The following AMMECR1 variants were observed in gnomAD, a reference collection of about 807,000 sequenced individuals.
The protein encoded by AMMECR1 is AMMECR nuclear protein 1.
In AMMECR1, 3 loss-of-function variants were observed where a neutral mutation model predicts 22.5. The ratio of observed to expected loss-of-function variants is 0.13; its 90% confidence interval spans 0.06 to 0.35. The LOEUF is 0.35. Ranked by LOEUF, AMMECR1 falls within the 10% of genes least tolerant of loss-of-function variation. The pLI is 1.00. For synonymous variants in AMMECR1, 130 were observed against 116.7 expected (o/e 1.11, Z -0.74); for missense variants, 235 against 278.7 (o/e 0.84, Z 1.12).
chrX:110,216,611 A>G lies in AMMECR1; in HGVS notation c.606T>C (p.Phe202=). The G allele has an allele frequency of 1.7e-6, 2 of 1,201,586 alleles. No individual in the cohort carries two copies. The highest frequency in any genetic ancestry group is 1.1e-6 in the Non-Finnish European group (1 of 887,422). Reference sequence around the variant, plus strand: ...GCAGCTCATCCCTTGTCATTGGGGGAAAACGGCTATCTTTAAGGGCACTGT... The same window carrying G: ...GCAGCTCATCCCTTGTCATTGGGGGGAAACGGCTATCTTTAAGGGCACTGT... The part of the protein sequence containing the change: ...TLTSALKDSR[F]PPMTRDELPR... The change falls in exon 3 of 6, where the codon TTT becomes TTC. Residue 202 remains phenylalanine, a synonymous_variant. Transcript: ENST00000262844.
At chrX:110,320,479 G>A (rs1278373150), upstream of AMMECR1, among the ~76,000 whole-genome samples, 4 of 112,132 alleles carry the variant, frequency 3.6e-5, no homozygotes, top group Non-Finnish European at 5.6e-5. Context: ...TACCATGGAT[G>A]GCTGCTTCTG....
intron 1 of AMMECR1, among the ~76,000 whole-genome samples, chrX:110,278,917 A>G (rs1433061049): frequency 8.9e-6 from 1 of 112,138 alleles, no homozygotes; most frequent in East Asian, 2.8e-4. Context: ...CAGCAAGAAC[A>G]ATACCCCAAA....
At chrX:110,386,405 T>C (rs1472881934) in intron 2 of AMMECR1, among the ~76,000 whole-genome samples, 1 of 110,826 alleles carries the variant, frequency 9.0e-6, no homozygotes, top group East Asian at 2.8e-4. Context: ...TAGTATCTCA[T>C]TGTGGTTTTG....
intron 2 of AMMECR1, among the ~76,000 whole-genome samples, chrX:110,333,050 C>T (rs769783221): frequency 3.6e-5 from 4 of 111,745 alleles, no homozygotes; most frequent in East Asian, 5.6e-4. Flanking sequence ...GCAGCTACCC[C>T]GTCTAACTTT....
At chrX:110,206,668 A>C (rs2067423251) in intron 3 of AMMECR1, among the ~76,000 whole-genome samples, 1 of 111,980 alleles carries the variant, frequency 8.9e-6, no homozygotes, top group Non-Finnish European at 1.9e-5. Flanking sequence ...GTTTGGGTCC[A>C]CAATTATCTC....
At chrX:110,361,992 C>T (rs2068266864) in intron 2 of AMMECR1, among the ~76,000 whole-genome samples, 3 of 111,831 alleles carry the variant, frequency 2.7e-5, no homozygotes, top group East Asian at 2.8e-4. Context: ...GTGTACTGAC[C>T]CCTGCTAGAA....
intron 2 of AMMECR1, among the ~76,000 whole-genome samples, chrX:110,261,079 T>C (rs1430431582): frequency 9.0e-6 from 1 of 111,072 alleles, no homozygotes; most frequent in Non-Finnish European, 1.9e-5. Flanking sequence ...AGAGTTTCAG[T>C]TGGGGAAGAT....
At chrX:110,432,078 T>A (rs1449888340) in intron 1 of AMMECR1, among the ~76,000 whole-genome samples, 1 of 112,025 alleles carries the variant, frequency 8.9e-6, no homozygotes, top group African/African-American at 3.2e-5. Context: ...TTATGGCAGA[T>A]GCTGAGTTGA....
chrX:110,409,635 T>C (rs898874829), intron 2 of AMMECR1, among the ~76,000 whole-genome samples: 3 of 106,274 alleles, frequency 2.8e-5, no homozygotes, highest in Admixed American at 9.7e-5. Context: ...TTTTCTGTTG[T>C]TGCTGCTGCT....
chrX:110,244,031 T>C (rs2067646283), intron 2 of AMMECR1, among the ~76,000 whole-genome samples: 1 of 111,868 alleles, frequency 8.9e-6, no homozygotes, highest in Non-Finnish European at 1.9e-5. Flanking sequence ...TTGTCTTGTG[T>C]TGCCTATCAC....
rs750397268 is a variant in AMMECR1, at chrX:110,374,734, T to C, written c.-148+51924A>G. ...GAGGGTGCAAAGGACAGCTTCTATG[T>C]TTGTGGGATGGAGGTAAGAAGAGTG... On this transcript the variant is annotated intron_variant, in intron 2 of 7. Transcript: ENST00000372057. 7.6e-4 allele frequency among the ~76,000 whole-genome samples: 84 copies of C among 110,685 alleles called. 2 individuals are homozygous for C. Among genetic ancestry groups the C allele is most frequent in the Non-Finnish European group, 9.5e-4 (50 of 52,882 alleles).
intron 1 of AMMECR1, among the ~76,000 whole-genome samples, chrX:110,277,395 C>T (rs1369152271): frequency 5.1e-5 from 5 of 98,270 alleles, no homozygotes; most frequent in African/African-American, 1.9e-4. Context: ...TGGGGAACAT[C>T]ACACATGTCA....
chrX:110,222,146 C>T (rs1315691794), intron 2 of AMMECR1, among the ~76,000 whole-genome samples: 23 of 95,984 alleles, frequency 2.4e-4, no homozygotes, highest in African/African-American at 8.4e-4. Flanking sequence ...CACATGCACA[C>T]GTATGTTTAT....
chrX:110,216,682 C>A, intron 2 of AMMECR1, 50 bp from the exon 3 acceptor site: 1 of 817,667 alleles, frequency 1.2e-6, no homozygotes, highest in Non-Finnish European at 1.8e-6. Context: ...ATGAAAGTTC[C>A]CAATTTCAAA....
chrX:110,328,699 G>T lies in AMMECR1; in HGVS notation c.-147-10850C>A, dbSNP rs1021496951. ...TTCTCATTGTTCAACTCCCACTTAT[G>T]AGTGAGAACATGTGGTGTTTGGTTT... On this transcript the variant is annotated intron_variant, in intron 2 of 7. Transcript: ENST00000372057. 5.6e-5 allele frequency among the ~76,000 whole-genome samples: 6 copies of T among 107,551 alleles called. 1 individual carries two copies. The highest frequency in any genetic ancestry group is 3.0e-4 in the Admixed American group (3 of 10,011). The allele number at this position is 107,551 out of a possible 115,157, so 93.4% of individuals were successfully genotyped here.
At chrX:110,243,972 T>C in intron 2 of AMMECR1, among the ~76,000 whole-genome samples, 1 of 112,063 alleles carries the variant, frequency 8.9e-6, no homozygotes, top group East Asian at 2.8e-4. Flanking sequence ...TAAAAATTAC[T>C]TTCACATTAA....
chrX:110,414,255 A>AACTC (rs1026775625), intron 2 of AMMECR1, among the ~76,000 whole-genome samples: 1 of 112,322 alleles, frequency 8.9e-6, no homozygotes, highest in African/African-American at 3.2e-5. Flanking sequence ...CGGGGCCCTC[A>AACTC]ACTCAGCTAA....
intron 3 of AMMECR1, among the ~76,000 whole-genome samples, chrX:110,212,121 C>T (rs971560224): frequency 1.8e-5 from 2 of 111,983 alleles, no homozygotes; most frequent in Non-Finnish European, 3.8e-5. Flanking sequence ...TACTTTCCTA[C>T]TAACTTCCAT....
intron 2 of AMMECR1, among the ~76,000 whole-genome samples, chrX:110,249,229 AT>A (rs777206421): frequency 1.0e-3 from 110 of 105,149 alleles, no homozygotes; most frequent in Middle Eastern, 4.9e-3. Flanking sequence ...TTATTCAGTG[AT>A]TTTTTTTTTT....
Sources: allele counts gnomAD v4.1 joint callset (sites outside exome capture counted in the v4.1 genomes callset), GRCh38; gene constraint gnomAD v4.1.1; transcripts MANE v1.5; gene names NCBI Gene and HGNC (gene_info 2026-07-23, HGNC 2026-07-21).